Variants in NCALD observed in about 807,000 individuals in gnomAD.
NCALD encodes the protein neurocalcin delta, also known as neurocalcin-delta.
In NCALD, 10 loss-of-function variants were observed where a neutral mutation model predicts 18.6. The observed-to-expected ratio is 0.54, with a 90% CI of 0.33 to 0.91. The LOEUF is 0.91. Ranked by LOEUF, NCALD falls within the 40% of genes least tolerant of loss-of-function variation. The probability of loss-of-function intolerance (pLI) is 0.03; values close to 1 mark genes in which losing one functional copy is unlikely to be tolerated. For synonymous variants in NCALD, 88 were observed against 87.4 expected, an observed-to-expected ratio of 1.01 and a Z score of -0.04; for missense variants, 184 against 247.6, an observed-to-expected ratio of 0.74 and a Z score of 1.72.
chr8:101,996,343 G>C (rs1414868277), intron 2 of NCALD, among the ~76,000 whole-genome samples: 1 of 152,220 alleles, frequency 6.6e-6, no homozygotes, highest in Non-Finnish European at 1.5e-5. Context: ...AGCCAGTCTT[G>C]TTGCTGGGCA....
rs943690917 is a variant in NCALD, at chr8:101,749,108, C to T, written c.-19-29460G>A. Among the ~76,000 whole-genome samples, 66 of 152,332 alleles carry T rather than the reference C, an allele frequency of 4.3e-4. 2 individuals are homozygous for T. The highest frequency in any genetic ancestry group is 4.3e-3 in the Admixed American group (66 of 15,302). ...ACTCCTTCAACAAAACTTCCCGAAG[C>T]CAATGCTTTGCTTTCTAACACTTAT... On this transcript the variant is annotated intron_variant, in intron 1 of 3. Coordinates refer to ENST00000220931, the MANE Select transcript of NCALD (RefSeq NM_032041.3).
chr8:101,807,870 T>C (rs1361268142), intron 4 of NCALD, among the ~76,000 whole-genome samples: 3 of 152,212 alleles, frequency 2.0e-5, no homozygotes, highest in Non-Finnish European at 4.4e-5. Flanking sequence ...TTTAAATTTC[T>C]ATCTCATAGT....
At chr8:101,994,119 T>C (rs60455915) in intron 2 of NCALD, among the ~76,000 whole-genome samples, 2,727 of 152,290 alleles carry the variant, frequency 0.018, 91 homozygotes, top group African/African-American at 0.061. Flanking sequence ...ACTTAACACA[T>C]TTCTAGAACT....
chr8:101,821,529 C>T (rs73275587), intron 4 of NCALD, among the ~76,000 whole-genome samples: 1,554 of 152,208 alleles, frequency 0.01, 27 homozygotes, highest in African/African-American at 0.035. Flanking sequence ...CCATGAAGGA[C>T]GCAGAGCCTT....
rs150255142 is a variant in NCALD, at chr8:101,951,469, G to A, written c.-156-35611C>T. ...GCTCCACAAATGTCAGGGAGGGAGC[G>A]TACCAGAGGCTGGACTAAAGCTGAG... is the stretch of plus-strand genomic sequence containing the variant. On this transcript the variant is annotated intron_variant, in intron 2 of 6. Coordinates refer to the NCALD transcript ENST00000311028. Among the ~76,000 whole-genome samples, 14 of 152,210 alleles carry A rather than the reference G, an allele frequency of 9.2e-5. 1 individual carries two copies. Among genetic ancestry groups the A allele is most frequent in the South Asian group, 2.1e-4 (1 of 4,820 alleles).
chr8:101,769,876 A>G lies in NCALD; in HGVS notation c.-20+20986T>C, dbSNP rs144606040. ...AATTAACAAAGGCTGAGCCACTTACATTCTCAGGACTCTGGATCAATGCTG... is the reference window on the plus strand; with the variant it reads ...AATTAACAAAGGCTGAGCCACTTACGTTCTCAGGACTCTGGATCAATGCTG... On this transcript the variant is annotated intron_variant, in intron 1 of 3. Transcript: ENST00000220931. 9.2e-3 allele frequency among the ~76,000 whole-genome samples: 1,405 copies of G among 152,310 alleles called. 12 individuals are homozygous for G. Among genetic ancestry groups the G allele is most frequent in the Non-Finnish European group, 0.013 (888 of 68,016 alleles).
chr8:102,057,664 C>A (rs1399202357), intron 1 of NCALD, among the ~76,000 whole-genome samples: 1 of 152,216 alleles, frequency 6.6e-6, no homozygotes, highest in Non-Finnish European at 1.5e-5. Context: ...ATATGATTTA[C>A]TATTCTTCCC....
intron 1 of NCALD, among the ~76,000 whole-genome samples, chr8:102,026,782 G>A (rs1822473482): frequency 6.6e-6 from 1 of 152,206 alleles, no homozygotes; most frequent in Non-Finnish European, 1.5e-5. Context: ...CCTAACAAAG[G>A]TTCTCCATGA....
chr8:101,782,140 CATTAT>C (rs1812043271), intron 1 of NCALD, among the ~76,000 whole-genome samples: 1 of 147,720 alleles, frequency 6.8e-6, no homozygotes, highest in South Asian at 2.1e-4. Flanking sequence ...ATTGTATACT[CATTAT>C]AGTATAGTTT....
At chr8:101,879,421 A>C (rs369788646) in intron 4 of NCALD, among the ~76,000 whole-genome samples, 23 of 151,790 alleles carry the variant, frequency 1.5e-4, no homozygotes, top group African/African-American at 4.8e-4. Flanking sequence ...CATTTCTCCC[A>C]GTGGCTTCGT....
intron 2 of NCALD, among the ~76,000 whole-genome samples, chr8:101,954,825 T>G (rs894443593): frequency 6.6e-6 from 1 of 152,220 alleles, no homozygotes; most frequent in African/African-American, 2.4e-5. Flanking sequence ...ATAAATGCCA[T>G]GCATGATTCT....
intron 4 of NCALD, among the ~76,000 whole-genome samples, chr8:101,823,551 T>TA (rs199557825): frequency 0.016 from 2,369 of 151,338 alleles, 90 homozygotes; most frequent in East Asian, 0.12. Flanking sequence ...GTTGAGCAAA[T>TA]AAAAAAAATG....
At chr8:101,914,647 G>A (rs540545617) in intron 3 of NCALD, among the ~76,000 whole-genome samples, 1 of 152,290 alleles carries the variant, frequency 6.6e-6, no homozygotes, top group Non-Finnish European at 1.5e-5. Context: ...TACTTTAAGT[G>A]ATATCCTAAT....
intron 1 of NCALD, among the ~76,000 whole-genome samples, chr8:102,123,460 GAAAAA>G (rs5893600): frequency 6.4e-5 from 9 of 140,174 alleles, no homozygotes; most frequent in African/African-American, 1.9e-4. Flanking sequence ...TGCAGCATTA[GAAAAA>G]AAAAAAAAAA....
intron 2 of NCALD, among the ~76,000 whole-genome samples, chr8:102,005,040 G>T (rs181037105): frequency 7.9e-4 from 120 of 152,238 alleles, no homozygotes; most frequent in African/African-American, 2.7e-3. Context: ...GGGATCTAAT[G>T]AAACTAAAGA....
intron 1 of NCALD, among the ~76,000 whole-genome samples, chr8:102,082,762 T>C (rs894073992): frequency 1.3e-5 from 2 of 152,198 alleles, no homozygotes; most frequent in African/African-American, 4.8e-5. Context: ...TAGAAGCCTA[T>C]TCACTTCAGA....
intron 2 of NCALD, among the ~76,000 whole-genome samples, chr8:101,929,273 G>GAGGA (rs1271496998): frequency 9.1e-4 from 33 of 36,086 alleles, no homozygotes; most frequent in African/African-American, 5.2e-3. Flanking sequence ...GGAAGGGATG[G>GAGGA]AGGGAGGGAG....
At position 101,689,788 on chromosome 8, in the gene NCALD, A is replaced by G. The variant is rs996012324; in HGVS notation, c.485-382T>C. Among the ~76,000 whole-genome samples, 3 of 152,170 alleles carry G rather than the reference A, an allele frequency of 2.0e-5. No individual in the cohort carries two copies. The highest frequency in any genetic ancestry group is 1.3e-4 in the Admixed American group (2 of 15,284). ...TTTGTAAAGCAAGTGGCCCTCCTGC[A>G]TTTATGAGAATGAGCTGGGCCCTGG... On this transcript the variant is annotated intron_variant, in intron 3 of 3. Coordinates refer to ENST00000220931, the MANE Select transcript of NCALD (RefSeq NM_032041.3). The surrounding 1 kb of genome is among the most constrained non-coding windows in gnomAD (Gnocchi z 4.4).
chr8:101,703,710 T>A (rs1448762236), intron 2 of NCALD, among the ~76,000 whole-genome samples: 1 of 152,150 alleles, frequency 6.6e-6, no homozygotes. Flanking sequence ...GTGGACTCAC[T>A]GATGGGCAGA....
Sources: allele counts gnomAD v4.1 joint callset (sites outside exome capture counted in the v4.1 genomes callset), GRCh38; gene constraint gnomAD v4.1.1; non-coding constraint Gnocchi (gnomAD v3.1); transcripts MANE v1.5; gene names NCBI Gene and HGNC (gene_info 2026-07-23, HGNC 2026-07-21).